ZC3H13: variants seen among roughly 807,000 people sequenced by gnomAD.
The protein encoded by ZC3H13 is zinc finger CCCH domain-containing protein 13.
A neutral mutation model predicts 204.1 loss-of-function variants in ZC3H13; 64 were observed. The observed-to-expected ratio is 0.31, with a 90% CI of 0.26 to 0.39. The LOEUF (loss-of-function observed/expected upper bound fraction) is 0.39, where lower values mean the gene tolerates loss of function less well. Among genes scored for constraint, ZC3H13 ranks in the 10% least tolerant of loss-of-function variants. The pLI is 1.00. For synonymous variants in ZC3H13, 667 were observed against 693.7 expected, an observed-to-expected ratio of 0.96 and a Z score of 0.60; for missense variants, 1,833 against 2,082.7, an observed-to-expected ratio of 0.88 and a Z score of 2.33.
At chr13:46,046,352 T>C (rs1286136925) in intron 1 of ZC3H13, among the ~76,000 whole-genome samples, 4 of 152,080 alleles carry the variant, frequency 2.6e-5, no homozygotes, top group Non-Finnish European at 4.4e-5. Context: ...TTAGATTTGA[T>C]GTAAACATAA....
At chr13:46,013,090 A>T (rs1181890857) in intron 5 of ZC3H13, among the ~76,000 whole-genome samples, 2 of 152,156 alleles carry the variant, frequency 1.3e-5, no homozygotes, top group Non-Finnish European at 2.9e-5. Context: ...CAACTATCCA[A>T]CCAAGGGGGA....
At chr13:45,959,305 T>C (rs1451736676) in intron 18 of ZC3H13, among the ~76,000 whole-genome samples, 178 bp downstream of exon 18, 2 of 152,210 alleles carry the variant, frequency 1.3e-5, no homozygotes, top group Non-Finnish European at 2.9e-5. Context: ...ATTAATACTG[T>C]TGAAGTAAAA....
intron 9 of ZC3H13, among the ~76,000 whole-genome samples, chr13:45,986,145 C>A (rs1453775335): frequency 6.6e-6 from 1 of 152,204 alleles, no homozygotes; most frequent in Non-Finnish European, 1.5e-5. Flanking sequence ...CTAAACTAGA[C>A]CATCTGTGAC....
At position 45,969,931 on chromosome 13, in the gene ZC3H13, T is replaced by G. The variant is rs774589148; in HGVS notation, c.2613A>C (p.Gln871His). Residue 871 changes from glutamine (Q) to histidine (H), a missense_variant, in exon 14 of 19, where the codon CAA becomes CAC. Gln to His is a conservative substitution (Grantham distance 24). Coordinates refer to ENST00000679008, the MANE Select transcript of ZC3H13 (RefSeq NM_001330564.2). ...GCGAGGGACTAAGAGAACGAGATTCTTGAGGTCGTACAACTTGGCTCAAGA... is the reference window on the plus strand; with the variant it reads ...GCGAGGGACTAAGAGAACGAGATTCGTGAGGTCGTACAACTTGGCTCAAGA... ...HRLLSQVVRP[Q>H]ESRSLSPSHL... is the part of the protein sequence containing the mutation. The G allele has an allele frequency of 1.9e-6, 3 of 1,613,000 alleles. No individual in the cohort carries two copies. The highest frequency in any genetic ancestry group is 1.3e-5 in the African/African-American group (1 of 74,852).
rs186360176 is a variant in ZC3H13, at chr13:45,966,303, T to A, written c.4322-871A>T. The stretch of plus-strand genomic sequence containing the variant: ...AAATAAAATATAAGAAGTTATGAGA[T>A]GTTTCTAGTCATTCTAGTGATTTTC... On this transcript the variant is annotated intron_variant, in intron 15 of 18. Transcript: ENST00000679008. Among the ~76,000 whole-genome samples, 3 of 152,286 alleles carry A rather than the reference T, an allele frequency of 2.0e-5. No homozygotes were observed. The East Asian group carries it at 5.8e-4, about 29-fold the overall frequency.
intron 4 of ZC3H13, among the ~76,000 whole-genome samples, chr13:46,031,574 T>C (rs1195000695): frequency 6.6e-6 from 1 of 152,050 alleles, no homozygotes; most frequent in Non-Finnish European, 1.5e-5. Flanking sequence ...TACAAGGAAC[T>C]CTTAAAATTG....
rs553655017 is a variant in ZC3H13, at chr13:45,997,800, AG to A, written c.944+5338del. On this transcript the variant is annotated intron_variant, in intron 8 of 18. Transcript: ENST00000679008. ...GAAATGTAAGCAACCGCTTATATCC[AG>A]TAAGCCTAGTGGGTCATACTTGAAG... Among the ~76,000 whole-genome samples, 8 of 152,216 alleles carry A rather than the reference AG, an allele frequency of 5.3e-5. No individual in the cohort carries two copies. In the South Asian group the frequency reaches 1.7e-3, roughly 32 times the overall value.
At chr13:45,981,517 G>T (rs930864555) in intron 10 of ZC3H13, among the ~76,000 whole-genome samples, 1 of 151,994 alleles carries the variant, frequency 6.6e-6, no homozygotes, top group African/African-American at 2.4e-5. Flanking sequence ...GGATGGCTGG[G>T]TCAAATGGTA....
chr13:46,021,030 A>G (rs892024200), intron 4 of ZC3H13, among the ~76,000 whole-genome samples: 38 of 151,994 alleles, frequency 2.5e-4, no homozygotes, highest in African/African-American at 8.0e-4. Flanking sequence ...AAAGGGCTAA[A>G]CCATTCACCA....
At chr13:46,006,453 C>T (rs2041157932) in intron 7 of ZC3H13, among the ~76,000 whole-genome samples, 1 of 151,702 alleles carries the variant, frequency 6.6e-6, no homozygotes, top group Admixed American at 6.6e-5. Flanking sequence ...TCACAAATTG[C>T]ACTAAACTTA....
chr13:45,984,292 G>A (rs1408720287), intron 10 of ZC3H13, among the ~76,000 whole-genome samples: 2 of 152,132 alleles, frequency 1.3e-5, no homozygotes, highest in Non-Finnish European at 2.9e-5. Flanking sequence ...TACAAAGCTG[G>A]CAAAAGAGTG....
At chr13:46,027,055 G>C (rs1238418210) in intron 4 of ZC3H13, among the ~76,000 whole-genome samples, 1 of 152,080 alleles carries the variant, frequency 6.6e-6, no homozygotes, top group Admixed American at 6.5e-5. Context: ...CAAAGTAAAA[G>C]TATCTCTAAG....
intron 1 of ZC3H13, among the ~76,000 whole-genome samples, chr13:46,047,825 T>C (rs1001273225): frequency 6.6e-6 from 1 of 152,184 alleles, no homozygotes; most frequent in South Asian, 2.1e-4. Flanking sequence ...TTTAAAACAT[T>C]TCTTAATAAA....
At chr13:45,984,885 T>C (rs1004354109) in intron 10 of ZC3H13, among the ~76,000 whole-genome samples, 1 of 152,246 alleles carries the variant, frequency 6.6e-6, no homozygotes, top group African/African-American at 2.4e-5. Flanking sequence ...GTACAAATAC[T>C]GAAGAATACA....
intron 8 of ZC3H13, among the ~76,000 whole-genome samples, chr13:45,995,772 A>G (rs937589158): frequency 6.6e-6 from 1 of 152,210 alleles, no homozygotes; most frequent in African/African-American, 2.4e-5. Context: ...CCATGTTTGT[A>G]CGGCCTGCAG....
intron 7 of ZC3H13, among the ~76,000 whole-genome samples, chr13:46,008,360 G>A (rs961513541): frequency 6.6e-6 from 1 of 150,810 alleles, no homozygotes; most frequent in African/African-American, 2.4e-5. Context: ...TCAATTAAAT[G>A]TTTTCTTTGT....
At chr13:46,039,154 C>T (rs1284635945) in intron 4 of ZC3H13, among the ~76,000 whole-genome samples, 2 of 152,156 alleles carry the variant, frequency 1.3e-5, no homozygotes, top group Non-Finnish European at 2.9e-5. Context: ...TAGGTATACA[C>T]GATGCTCAGT....
chr13:45,970,057 A>T, intron 13 of ZC3H13, 86 bp from the exon 14 acceptor site: 1 of 1,473,488 alleles, frequency 6.8e-7, no homozygotes, highest in East Asian at 2.3e-5. Flanking sequence ...TTCTCCTCAC[A>T]CCTGTAATCC....
chr13:45,976,625 T>A (rs1953073681), intron 11 of ZC3H13, among the ~76,000 whole-genome samples: 2 of 152,154 alleles, frequency 1.3e-5, no homozygotes, highest in Admixed American at 1.3e-4. Context: ...ACAAATCACA[T>A]AAACACAGAG....
Sources: allele counts gnomAD v4.1 joint callset (sites outside exome capture counted in the v4.1 genomes callset), GRCh38; gene constraint gnomAD v4.1.1; transcripts MANE v1.5; gene names NCBI Gene and HGNC (gene_info 2026-07-23, HGNC 2026-07-21).